The following FILIP1L variants were observed in gnomAD, a reference collection of about 807,000 sequenced individuals.
The protein encoded by FILIP1L is filamin A interacting protein 1 like.
FILIP1L carries 55 observed loss-of-function variants against 96.6 expected under a neutral mutation model. The ratio of observed to expected loss-of-function variants is 0.57; its 90% confidence interval spans 0.46 to 0.71. The LOEUF (loss-of-function observed/expected upper bound fraction) is 0.71. Among genes scored for constraint, FILIP1L ranks in the 30% least tolerant of loss-of-function variants. The probability of loss-of-function intolerance (pLI) is 0.00; values close to 1 mark genes in which losing one functional copy is unlikely to be tolerated. For missense variants in FILIP1L, 1,304 were observed against 1,321.2 expected (o/e 0.99, Z 0.20); for synonymous variants, 467 against 473.9 (o/e 0.99, Z 0.19).
At chr3:99,944,556 G>A (rs1302325049) in intron 1 of FILIP1L, among the ~76,000 whole-genome samples, 5 of 152,200 alleles carry the variant, frequency 3.3e-5, no homozygotes, top group Non-Finnish European at 7.3e-5. Flanking sequence ...AACCCTGTAA[G>A]GTAGTACTCT....
At chr3:99,946,620 T>C (rs1708015923) in intron 1 of FILIP1L, among the ~76,000 whole-genome samples, 1 of 152,186 alleles carries the variant, frequency 6.6e-6, no homozygotes, top group African/African-American at 2.4e-5. Context: ...TGTTAAGACT[T>C]TATGCATCTA....
rs559043036 is a variant in FILIP1L, at chr3:99,981,556, A to G, written c.-10-50526T>C. 3.5e-3 allele frequency among the ~76,000 whole-genome samples: 526 copies of G among 152,330 alleles called. 2 individuals carry two copies. The highest frequency in any genetic ancestry group is 5.0e-3 in the Non-Finnish European group (337 of 68,038). On this transcript the variant is annotated intron_variant, in intron 1 of 5. Transcript: ENST00000477258. ...CCCTGATTTGATCATCACACAGTGT[A>G]TATCTATATACCTATATACTAAATA...
In FILIP1L at chr3:99,850,256, C is replaced by T; in HGVS notation, c.1420G>A (p.Ala474Thr). Residue 474 changes from alanine to threonine, a missense_variant, in exon 5 of 6, where the codon GCC becomes ACC. Ala to Thr is a moderately conservative substitution (Grantham distance 58). Transcript: ENST00000477258. ...GTCTTTTCTAGCCGACTTTCAATGG[C>T]TTCTAGCTCTTTGATCCTTACTTTT... ...SLKVRIKELE[A>T]IESRLEKTEF... is the part of the protein sequence containing the mutation. 6.2e-7 allele frequency: 1 copy of T among 1,613,840 alleles called. No homozygotes were observed. Among genetic ancestry groups the T allele is most frequent in the Non-Finnish European group, 8.5e-7 (1 of 1,179,992 alleles).
intron 4 of FILIP1L, among the ~76,000 whole-genome samples, chr3:99,889,945 T>A (rs1706031325): frequency 6.6e-6 from 1 of 152,140 alleles, no homozygotes. Flanking sequence ...AGGCAATTAT[T>A]GGTTTAGATA....
chr3:100,097,576 A>G (rs980622947), intron 1 of FILIP1L, among the ~76,000 whole-genome samples: 1 of 152,154 alleles, frequency 6.6e-6, no homozygotes, highest in Non-Finnish European at 1.5e-5. Context: ...ATACAAGCCT[A>G]TATATATACA....
At chr3:99,914,364 T>C (rs1479661225) in intron 4 of FILIP1L, among the ~76,000 whole-genome samples, 1 of 152,244 alleles carries the variant, frequency 6.6e-6, no homozygotes, top group Non-Finnish European at 1.5e-5. Flanking sequence ...ATACTGAAAT[T>C]ATATTGACAA....
intron 1 of FILIP1L, among the ~76,000 whole-genome samples, chr3:99,990,116 C>T (rs184014501): frequency 3.3e-5 from 5 of 152,260 alleles, no homozygotes; most frequent in Admixed American, 2.6e-4. Flanking sequence ...CTTATATTTA[C>T]CCAGCAGCTA....
chr3:100,076,157 C>T (rs1418630460), intron 1 of FILIP1L, among the ~76,000 whole-genome samples: 2 of 152,146 alleles, frequency 1.3e-5, no homozygotes, highest in African/African-American at 4.8e-5. Context: ...CCCGGAAAAC[C>T]CTTAAAAATG....
At chr3:99,842,331 G>A (rs1218904646) in intron 5 of FILIP1L, among the ~76,000 whole-genome samples, 1 of 152,136 alleles carries the variant, frequency 6.6e-6, no homozygotes, top group Non-Finnish European at 1.5e-5. Context: ...GGGGACTCAG[G>A]GGAAAGAGTG....
At chr3:99,980,146 A>G (rs1323362756) in intron 1 of FILIP1L, among the ~76,000 whole-genome samples, 1 of 152,186 alleles carries the variant, frequency 6.6e-6, no homozygotes, top group Non-Finnish European at 1.5e-5. Flanking sequence ...GACATGCAGT[A>G]GTACCTTAGA....
At chr3:100,041,405 G>A (rs532652330) in intron 1 of FILIP1L, 8 of 152,142 alleles carry the variant, frequency 5.3e-5, no homozygotes, top group East Asian at 1.9e-4. Flanking sequence ...GATTTACTGC[G>A]TCTTTGTTCC....
At position 100,114,308 on chromosome 3, in the gene FILIP1L, CT is replaced by C. The variant is rs1332599941; in HGVS notation, c.-267del. ...AACACTAAATATTGCCCTCTTCCCTCTCCGGGCAGTGTCCTTCATGCTCTGA... is the reference window on the plus strand; with the variant it reads ...AACACTAAATATTGCCCTCTTCCCTCCCGGGCAGTGTCCTTCATGCTCTGA... On this transcript the variant is annotated 5_prime_UTR_variant, in exon 1 of 6. The change creates a premature stop within an existing upstream ORF in the 5' untranslated region. Transcript: ENST00000477258. The C allele has an allele frequency of 1.3e-5, 2 of 152,158 alleles. No individual in the cohort carries two copies. Among genetic ancestry groups the C allele is most frequent in the African/African-American group, 2.4e-5 (1 of 41,424 alleles). 9.4% of individuals were successfully genotyped at this position (152,158 alleles called of 1,614,324 possible). A position where few individuals can be genotyped will look rare whatever the true frequency, so the allele number is the denominator to read the frequency against.
chr3:99,991,545 A>G (rs1261436053), intron 1 of FILIP1L, among the ~76,000 whole-genome samples: 3 of 152,040 alleles, frequency 2.0e-5, no homozygotes, highest in Admixed American at 1.3e-4. Context: ...TAGTGTACCC[A>G]TCACCCAAAT....
At chr3:99,989,874 T>C (rs552836449) in intron 1 of FILIP1L, among the ~76,000 whole-genome samples, 1 of 152,292 alleles carries the variant, frequency 6.6e-6, no homozygotes, top group East Asian at 1.9e-4. Context: ...TAGTCAATGT[T>C]AAGATTTCAA....
intron 1 of FILIP1L, among the ~76,000 whole-genome samples, chr3:99,986,856 A>T (rs73859914): frequency 0.015 from 2,246 of 152,316 alleles, 54 homozygotes; most frequent in African/African-American, 0.052. Context: ...AGAGTTATTC[A>T]GACCAAAATG....
intron 1 of FILIP1L, among the ~76,000 whole-genome samples, chr3:99,976,171 G>C (rs1708965331): frequency 1.3e-5 from 2 of 152,136 alleles, no homozygotes; most frequent in South Asian, 4.2e-4. Context: ...ACCGCACCTG[G>C]CCCAGTGTCT....
intron 1 of FILIP1L, among the ~76,000 whole-genome samples, chr3:100,093,297 T>C (rs1405081404): frequency 1.3e-5 from 2 of 152,056 alleles, no homozygotes; most frequent in Non-Finnish European, 1.5e-5. Context: ...ACCAAAACAA[T>C]GTATGTTCAT....
chr3:99,847,253 CAGGCCCCTTAT>C (rs1169564880), intron 5 of FILIP1L, among the ~76,000 whole-genome samples: 1 of 150,756 alleles, frequency 6.6e-6, no homozygotes, highest in Non-Finnish European at 1.5e-5. Context: ...CTTTTGAATG[CAGGCCCCTTAT>C]GAACAGGGTA....
chr3:99,958,718 C>T (rs1024113313), intron 1 of FILIP1L, among the ~76,000 whole-genome samples: 1 of 152,122 alleles, frequency 6.6e-6, no homozygotes, highest in African/African-American at 2.4e-5. Flanking sequence ...GCCAGCAGGG[C>T]TCCTTCAGGG....
Sources: allele counts gnomAD v4.1 joint callset (sites outside exome capture counted in the v4.1 genomes callset), GRCh38; gene constraint gnomAD v4.1.1; transcripts MANE v1.5; gene names NCBI Gene and HGNC (gene_info 2026-07-23, HGNC 2026-07-21).